Variants in FBXW9 observed in about 807,000 individuals in gnomAD.
FBXW9 encodes F-box and WD repeat domain containing 9, also known as F-box/WD repeat-containing protein 9.
In FBXW9, 38 loss-of-function variants were observed where a neutral mutation model predicts 55.8. The ratio of observed to expected loss-of-function variants is 0.68; its 90% CI spans 0.53 to 0.89. The LOEUF is 0.89. FBXW9 is among the 40% of genes least tolerant of loss of function. The pLI, the probability that FBXW9 is intolerant of heterozygous loss-of-function variation, is 0.00. For missense variants in FBXW9, 590 were observed against 619.4 expected (o/e 0.95, Z 0.50); for synonymous variants, 289 against 278.2 (o/e 1.04, Z -0.38).
chr19:12,690,204 G>A (rs2024988524), intron 5 of FBXW9, 94 bp from the exon 6 acceptor site: 3 of 1,584,638 alleles, frequency 1.9e-6, no homozygotes, highest in African/African-American at 1.3e-5. Flanking sequence ...ATCCTGTCTG[G>A]CAAAACCCTC....
chr19:12,695,046 G>C (rs2025057257), intron 1 of FBXW9, 108 bp from the exon 2 acceptor site: 1 of 1,305,016 alleles, frequency 7.7e-7, no homozygotes, highest in African/African-American at 1.5e-5. Context: ...CACCAGACTT[G>C]GACAGAACCC....
Position 12,694,674 on chromosome 19 carries a change from A to T in FBXW9, c.598T>A (p.Trp200Arg), listed in dbSNP as rs1460600901. 1.2e-6 allele frequency: 2 copies of T among 1,614,018 alleles called. No individual in the cohort carries two copies. Among genetic ancestry groups the T allele is most frequent in the Admixed American group, 3.3e-5 (2 of 59,992 alleles). The stretch of plus-strand genomic sequence containing the variant: ...TCCGTCCCCAGCTGCCGCAGGTCCC[A>T]CAAGTTGACGTTGCGATCTCGGGAG... ...SGSRDRNVNL[W>R]DLRQLGTESN... Residue 200 changes from tryptophan to arginine, a missense_variant, in exon 3 of 10, where the codon TGG (tryptophan) becomes AGG (arginine). Coordinates refer to ENST00000393261, the MANE Select transcript of FBXW9 (RefSeq NM_032301.3).
At position 12,696,623 on chromosome 19, in the gene FBXW9, A is replaced by T; in HGVS notation, c.-42T>A. 6.3e-7 allele frequency: 1 copy of T among 1,584,770 alleles called. No homozygotes were observed. Among genetic ancestry groups the T allele is most frequent in the Non-Finnish European group, 8.5e-7 (1 of 1,174,270 alleles). On this transcript the variant is annotated 5_prime_UTR_variant, in exon 1 of 10. Coordinates refer to ENST00000393261, the MANE Select transcript of FBXW9 (RefSeq NM_032301.3). ...CTGCCGGCCTCGCGTCTTGTCTCCT[A>T]GGCAGCACGAGGGCACTTCCGGCGC...
chr19:12,689,153 C>T lies in FBXW9; in HGVS notation c.*63G>A. On this transcript the variant is annotated 3_prime_UTR_variant, in exon 10 of 10. Coordinates refer to ENST00000393261, the MANE Select transcript of FBXW9 (RefSeq NM_032301.3). This position sits in a 1 kb window ranked among gnomAD's most constrained non-coding sequence, Gnocchi z 5.9. Reference sequence around the variant, plus strand: ...GGCAGCACCAACATTGGGGATGGTCCCCCAAGAACAGAGGAGGAAGCCCAG... The same window carrying T: ...GGCAGCACCAACATTGGGGATGGTCTCCCAAGAACAGAGGAGGAAGCCCAG... The T allele has an allele frequency of 7.8e-7, 1 of 1,285,378 alleles. No individual in the cohort carries two copies. The allele number at this position is 1,285,378 out of a possible 1,614,324, so 79.6% of individuals were successfully genotyped here. A position where few individuals can be genotyped will look rare whatever the true frequency, so the allele number is the denominator to read the frequency against.
intron 3 of FBXW9, 143 bp from the exon 4 acceptor site, chr19:12,691,597 G>A (rs2025010050): frequency 1.5e-6 from 1 of 666,218 alleles, no homozygotes; most frequent in South Asian, 1.8e-5. Flanking sequence ...AGTGCCCATG[G>A]TGATAGATGC....
chr19:12,694,123 C>T (rs142686174), intron 3 of FBXW9, among the ~76,000 whole-genome samples: 110 of 144,768 alleles, frequency 7.6e-4, no homozygotes, highest in Middle Eastern at 7.4e-3. Context: ...TGCAGTGAGC[C>T]GAGATTGCAT....
Position 12,691,335 on chromosome 19 carries a change from C to G in FBXW9, c.791+7G>C, listed in dbSNP as rs1335048264. The G allele has an allele frequency of 6.2e-7, 1 of 1,613,894 alleles. No homozygotes were observed. The highest frequency in any genetic ancestry group is 8.5e-7 in the Non-Finnish European group (1 of 1,179,838). ...CCCGCAGGCCCCCTGCCCAGGCCCC[C>G]ACACACTTTATCTCGCCGAACTGCT... On this transcript the variant is annotated splice_region_variant and intron_variant, in intron 4 of 9. Transcript: ENST00000393261.
intron 1 of FBXW9, among the ~76,000 whole-genome samples, chr19:12,695,417 G>A (rs957590518): frequency 6.6e-6 from 1 of 152,202 alleles, no homozygotes; most frequent in African/African-American, 2.4e-5. Flanking sequence ...GATATGGACG[G>A]GGTCCAAGCA....
In FBXW9 at chr19:12,694,726, G is replaced by T; in HGVS notation, c.550-4C>A. On this transcript the variant is annotated splice_region_variant and splice_polypyrimidine_tract_variant and intron_variant, in intron 2 of 9. Coordinates refer to ENST00000393261, the MANE Select transcript of FBXW9 (RefSeq NM_032301.3). Reference sequence around the variant, plus strand: ...CCGACAGACAGAGTGACCCACCCTGGAAAGGGAGCAAGGTGATGTTGTCAG... The same window carrying T: ...CCGACAGACAGAGTGACCCACCCTGTAAAGGGAGCAAGGTGATGTTGTCAG... 1 of 1,614,222 alleles carries T rather than the reference G, an allele frequency of 6.2e-7. No individual in the cohort carries two copies. The highest frequency in any genetic ancestry group is 8.5e-7 in the Non-Finnish European group (1 of 1,180,036).
intron 3 of FBXW9, among the ~76,000 whole-genome samples, chr19:12,692,700 T>C (rs776614093): frequency 7.9e-5 from 12 of 152,094 alleles, no homozygotes; most frequent in South Asian, 4.2e-4. Context: ...TTATTTGGTA[T>C]TTTTTGTAGA....
At chr19:12,693,666 A>G (rs111827159) in intron 3 of FBXW9, among the ~76,000 whole-genome samples, 13,423 of 137,078 alleles carry the variant, frequency 0.098, 2,336 homozygotes, top group African/African-American at 0.35. Flanking sequence ...TCAGGAGGCA[A>G]GGTTGCAGTG....
At position 12,689,909 on chromosome 19, in the gene FBXW9, C is replaced by G. The variant is rs374998560; in HGVS notation, c.1033-35G>C. 17 of 1,612,618 alleles carry G rather than the reference C, an allele frequency of 1.1e-5. No homozygotes were observed. The highest frequency in any genetic ancestry group is 1.6e-4 in the Middle Eastern group (1 of 6,080). On this transcript the variant is annotated intron_variant, in intron 6 of 9. Transcript: ENST00000393261. This position sits in a 1 kb window ranked among gnomAD's most constrained non-coding sequence, Gnocchi z 5.9. ...GGACAAGGGACGGGACAGCTCAGGC[C>G]GGGCTGGGCCTGCAACAGTCCCCAT...
chr19:12,689,979 C>G lies in FBXW9; in HGVS notation c.1015G>C (p.Val339Leu), dbSNP rs556993698. Residue 339 changes from valine to leucine, a missense_variant, in exon 6 of 10, where the codon GTC becomes CTC. Physicochemically the swap from Val to Leu is conservative, Grantham distance 32. Transcript: ENST00000393261. This position sits in a 1 kb window ranked among gnomAD's most constrained non-coding sequence, Gnocchi z 5.9. ...LVVVDRRANSVLQRLQLDSYL... is the reference protein window; with the variant it reads ...LVVVDRRANSLLQRLQLDSYL... The stretch of plus-strand genomic sequence containing the variant: ...GGGCCCACCTGCAGACGCTGCAGGA[C>G]GCTGTTGGCTCGGCGGTCCACCACC... 6 of 1,613,748 alleles carry G rather than the reference C, an allele frequency of 3.7e-6. No individual in the cohort carries two copies. The South Asian group carries it at 5.5e-5, about 15-fold the overall frequency.
rs1347369573 is a variant in FBXW9, at chr19:12,696,396, A to G, written c.186T>C (p.Ala62=). The change falls in exon 1 of 10, where the codon GCT becomes GCC. Residue 62 remains alanine (A), a synonymous_variant. Transcript: ENST00000393261. ...CCCTGGACGCGGCCCGAGGCTCCGA[A>G]GCGCTCGGGGACGCGGCGGGTGTGG... ...QLSTPAASPS[A]SEPRAASRVS... The G allele has an allele frequency of 4.3e-6, 7 of 1,611,800 alleles. No homozygotes were observed. In the African/African-American group the frequency reaches 8.0e-5, roughly 18 times the overall value.
At chr19:12,693,561 TACACACACACACACACAC>T (rs1169069518) in intron 3 of FBXW9, among the ~76,000 whole-genome samples, 5 of 10,268 alleles carry the variant, frequency 4.9e-4, no homozygotes, top group East Asian at 3.6e-3. Context: ...TATATATATA[TACACACACACACACACAC>T]ACACACACAC....
At chr19:12,692,539 T>G (rs76451863) in intron 3 of FBXW9, among the ~76,000 whole-genome samples, 5 of 147,446 alleles carry the variant, frequency 3.4e-5, no homozygotes, top group African/African-American at 1.3e-4. Context: ...TTTTTTTTTT[T>G]GAGACATAGT....
At position 12,689,976 on chromosome 19, in the gene FBXW9, G is replaced by A. The variant is rs764204000; in HGVS notation, c.1018C>T (p.Leu340=). 1.1e-5 allele frequency: 17 copies of A among 1,613,798 alleles called. No homozygotes were observed. In the East Asian group the frequency reaches 2.9e-4, roughly 27 times the overall value. Residue 340 remains leucine (L), a synonymous_variant, in exon 6 of 10, where the codon CTG becomes TTG. Transcript: ENST00000393261. The surrounding 1 kb of genome is among the most constrained non-coding windows in gnomAD (Gnocchi z 5.9). ...GGAGGGCCCACCTGCAGACGCTGCA[G>A]GACGCTGTTGGCTCGGCGGTCCACC... is the stretch of plus-strand genomic sequence containing the variant. ...VVVDRRANSV[L]QRLQLDSYLL...
chr19:12,696,563 G>GA lies in FBXW9; in HGVS notation c.18_19insT (p.Arg7SerfsTer4). Reference sequence around the variant, plus strand: ...TCCCAGGTGCGGGAATCATCGCACCGCCCTAGGGGAAGCTCCATTGCGACC... The same window carrying GA: ...TCCCAGGTGCGGGAATCATCGCACCGACCCTAGGGGAAGCTCCATTGCGACC... On this transcript the variant is annotated frameshift_variant, in exon 1 of 10. Coordinates refer to ENST00000393261, the MANE Select transcript of FBXW9 (RefSeq NM_032301.3). LOFTEE classifies it high-confidence loss of function. The GA allele has an allele frequency of 6.2e-7, 1 of 1,610,880 alleles. No homozygotes were observed. Among genetic ancestry groups the GA allele is most frequent in the Non-Finnish European group, 8.5e-7 (1 of 1,179,888 alleles).
chr19:12,692,672 C>T (rs1599395298), intron 3 of FBXW9, among the ~76,000 whole-genome samples: 2 of 151,982 alleles, frequency 1.3e-5, no homozygotes, highest in African/African-American at 2.4e-5. Context: ...CAGGTGCCCA[C>T]GCACCACGCC....
Sources: gnomAD v4.1 joint callset for allele counts (sites outside exome capture counted in the v4.1 genomes callset) on GRCh38, gnomAD v4.1.1 for gene constraint, Gnocchi (gnomAD v3.1) non-coding constraint, MANE v1.5 for transcripts, NCBI Gene and HGNC (gene_info 2026-07-23, HGNC 2026-07-21) for gene names.